The following GAN variants were observed in gnomAD, a reference collection of about 807,000 sequenced individuals.
GAN encodes the protein epididymis secretory sperm binding protein.
GAN carries 48 observed loss-of-function variants against 71.3 expected under a neutral mutation model. The observed-to-expected ratio is 0.67, with a 90% CI of 0.53 to 0.86. The LOEUF (loss-of-function observed/expected upper bound fraction) is 0.86, where lower values mean the gene tolerates loss of function less well. Ranked by LOEUF, GAN falls within the 40% of genes least tolerant of loss-of-function variation. GAN has a pLI of 0.00. For synonymous variants in GAN, 386 were observed against 276.8 expected (o/e 1.39, Z -3.92); for missense variants, 928 against 770.1 (o/e 1.21, Z -2.43).
intron 10 of GAN, 35 bp downstream of exon 10, chr16:81,377,363 TC>T: frequency 6.3e-7 from 1 of 1,591,872 alleles, no homozygotes; most frequent in Non-Finnish European, 8.6e-7. Context: ...TGGAACTGTT[TC>T]CTGGTGATTC....
intron 1 of GAN, among the ~76,000 whole-genome samples, 181 bp downstream of exon 1, chr16:81,315,461 C>T (rs979501448): frequency 2.0e-5 from 3 of 151,910 alleles, no homozygotes; most frequent in Admixed American, 2.0e-4. Flanking sequence ...GACCGCGTCC[C>T]CCAGGCGGCC....
chr16:81,341,636 C>G lies in GAN; in HGVS notation c.168-9947C>G, dbSNP rs557568234. Among the ~76,000 whole-genome samples, 4 of 152,286 alleles carry G rather than the reference C, an allele frequency of 2.6e-5. No homozygotes were observed. In the East Asian group the frequency reaches 5.8e-4, roughly 22 times the overall value. ...CTTACAAGAGCTCCTGAAGGAAGCA[C>G]TAAACATGGATAGGAACAACCGGTA... On this transcript the variant is annotated intron_variant, in intron 1 of 10. Coordinates refer to ENST00000648994, the MANE Select transcript of GAN (RefSeq NM_022041.4).
At chr16:81,363,252 C>G (rs1910739168) in intron 6 of GAN, among the ~76,000 whole-genome samples, 1 of 151,746 alleles carries the variant, frequency 6.6e-6, no homozygotes, top group South Asian at 2.1e-4. Flanking sequence ...TTGTATTGAA[C>G]CAGAGGTAAC....
At chr16:81,329,179 C>CT (rs998299373) in intron 1 of GAN, among the ~76,000 whole-genome samples, 2 of 151,496 alleles carry the variant, frequency 1.3e-5, no homozygotes, top group Non-Finnish European at 2.9e-5. Context: ...GTTCTCTTCT[C>CT]TTTTTTTTTC....
chr16:81,317,821 G>A (rs1909095550), intron 1 of GAN, among the ~76,000 whole-genome samples: 1 of 151,914 alleles, frequency 6.6e-6, no homozygotes, highest in African/African-American at 2.4e-5. Context: ...TACATACTGT[G>A]TCATTTTGGT....
intron 7 of GAN, 49 bp from the exon 8 acceptor site, chr16:81,364,925 C>G (rs200388432): frequency 2.5e-6 from 4 of 1,589,932 alleles, no homozygotes; most frequent in Non-Finnish European, 3.5e-6. Flanking sequence ...GTTCACCTGA[C>G]CTGAATGAGA....
intron 1 of GAN, 110 bp from the exon 2 acceptor site, chr16:81,351,473 G>T: frequency 1.5e-6 from 1 of 672,798 alleles, no homozygotes. Context: ...TTCTAGGTGG[G>T]GATTCATATA....
At chr16:81,358,662 T>C (rs899736148) in intron 5 of GAN, among the ~76,000 whole-genome samples, 1 of 152,134 alleles carries the variant, frequency 6.6e-6, no homozygotes, top group Admixed American at 6.5e-5. Context: ...ATGCTACTTA[T>C]ATAGGCAATG....
chr16:81,326,871 C>T (rs929481048), intron 1 of GAN, among the ~76,000 whole-genome samples: 14 of 152,184 alleles, frequency 9.2e-5, no homozygotes, highest in South Asian at 2.1e-4. Context: ...CTGTCCATCA[C>T]GGACTGAAAC....
chr16:81,351,553 A>G (rs1342729471), intron 1 of GAN, 30 bp from the exon 2 acceptor site: 1 of 894,636 alleles, frequency 1.1e-6, no homozygotes, highest in Admixed American at 1.7e-5. Context: ...GTTCTTTCAT[A>G]GAAATTTTAC....
At chr16:81,354,366 T>C (rs1369607700) in intron 2 of GAN, 39 bp from the exon 3 acceptor site, 5 of 1,318,512 alleles carry the variant, frequency 3.8e-6, no homozygotes, top group Admixed American at 1.7e-5. Flanking sequence ...GTTTTAAATG[T>C]ACACATTCAA....
chr16:81,363,114 C>A (rs1415803863), intron 6 of GAN, among the ~76,000 whole-genome samples: 7 of 152,234 alleles, frequency 4.6e-5, no homozygotes, highest in African/African-American at 1.7e-4. Flanking sequence ...GGACATGAAA[C>A]ACCTAGGGCT....
chr16:81,367,906 T>A (rs1910913611), intron 9 of GAN, among the ~76,000 whole-genome samples: 1 of 152,198 alleles, frequency 6.6e-6, no homozygotes. Flanking sequence ...TTCCTATAAC[T>A]ATCGATAGAA....
At chr16:81,320,688 C>A (rs1909194834) in intron 1 of GAN, among the ~76,000 whole-genome samples, 1 of 152,186 alleles carries the variant, frequency 6.6e-6, no homozygotes, top group Admixed American at 6.5e-5. Context: ...GCTCCAGTTT[C>A]TGAGTATCTT....
intron 1 of GAN, among the ~76,000 whole-genome samples, chr16:81,326,678 C>G (rs907497682): frequency 6.6e-6 from 1 of 152,202 alleles, no homozygotes; most frequent in Non-Finnish European, 1.5e-5. Context: ...AGGGCATAAC[C>G]TACTACCCAC....
At chr16:81,363,389 T>G (rs1366407858) in intron 6 of GAN, among the ~76,000 whole-genome samples, 1 of 152,160 alleles carries the variant, frequency 6.6e-6, no homozygotes, top group Non-Finnish European at 1.5e-5. Flanking sequence ...GCTGGAAGAG[T>G]GGGCTGTTAG....
At chr16:81,368,990 C>T (rs1910951058) in intron 9 of GAN, among the ~76,000 whole-genome samples, 1 of 152,170 alleles carries the variant, frequency 6.6e-6, no homozygotes, top group Non-Finnish European at 1.5e-5. Flanking sequence ...AAGTTTCACC[C>T]TTTTTTAGTA....
At chr16:81,375,025 G>A (rs1294879784) in intron 9 of GAN, among the ~76,000 whole-genome samples, 3 of 152,058 alleles carry the variant, frequency 2.0e-5, no homozygotes, top group Non-Finnish European at 2.9e-5. Context: ...AGAGAGCATA[G>A]GAGAAAAATC....
At chr16:81,370,023 A>C (rs1055709730) in intron 9 of GAN, among the ~76,000 whole-genome samples, 1 of 152,354 alleles carries the variant, frequency 6.6e-6, no homozygotes, top group African/African-American at 2.4e-5. Flanking sequence ...GCAGCCGTTG[A>C]CATAGCTAAT....
Sources: gnomAD v4.1 joint callset for allele counts (sites outside exome capture counted in the v4.1 genomes callset) on GRCh38, gnomAD v4.1.1 for gene constraint, MANE v1.5 for transcripts, NCBI Gene and HGNC (gene_info 2026-07-23, HGNC 2026-07-21) for gene names.